The following EEF1E1 variants were observed in gnomAD, a reference collection of about 807,000 sequenced individuals.
EEF1E1 encodes the protein eukaryotic translation elongation factor 1 epsilon-1.
A neutral mutation model predicts 19.9 loss-of-function variants in EEF1E1; 19 were observed. That is an observed-to-expected ratio of 0.95 (90% confidence interval 0.66 to 1.40). The LOEUF (loss-of-function observed/expected upper bound fraction) is 1.40, where lower values mean the gene tolerates loss of function less well. Among genes scored for constraint, EEF1E1 ranks in the 40% most tolerant of loss-of-function variants. EEF1E1 has a pLI of 0.00. For missense variants in EEF1E1, 198 were observed against 202.2 expected, an observed-to-expected ratio of 0.98 and a Z score of 0.13; for synonymous variants, 81 against 80.0, an observed-to-expected ratio of 1.01 and a Z score of -0.07.
chr6:8,099,831 G>T (rs548041369), intron 1 of EEF1E1, among the ~76,000 whole-genome samples: 1 of 147,574 alleles, frequency 6.8e-6, no homozygotes. Flanking sequence ...CACACATGAT[G>T]AAACTGCCTA....
intron 1 of EEF1E1, among the ~76,000 whole-genome samples, chr6:8,101,131 CAGA>C (rs1164692472): frequency 9.7e-5 from 14 of 144,820 alleles, no homozygotes; most frequent in Non-Finnish European, 1.5e-4. Flanking sequence ...GAGGCTGAAG[CAGA>C]AGAATCGCTT....
In EEF1E1 at chr6:8,101,967, G is replaced by A. The variant is rs1239290369; in HGVS notation, c.87+468C>T. ...TGGCCAAAAAGCAAGCTGCCTGAGAGGAGGAAGCATGTTCCCCTAAATCAT... is the reference window on the plus strand; with the variant it reads ...TGGCCAAAAAGCAAGCTGCCTGAGAAGAGGAAGCATGTTCCCCTAAATCAT... On this transcript the variant is annotated intron_variant, in intron 1 of 3. Coordinates refer to ENST00000379715, the MANE Select transcript of EEF1E1 (RefSeq NM_004280.5). The A allele has an allele frequency of 6.4e-6, 8 of 1,245,870 alleles. No individual in the cohort carries two copies. In the Admixed American group the frequency reaches 1.2e-4, roughly 19 times the overall value. The allele number at this position is 1,245,870 out of a possible 1,614,324, so 77.2% of individuals were successfully genotyped here.
intron 1 of EEF1E1, among the ~76,000 whole-genome samples, chr6:8,100,767 C>G (rs577827919): frequency 2.6e-5 from 4 of 151,712 alleles, no homozygotes; most frequent in African/African-American, 9.7e-5. Context: ...CTTTTCTTTA[C>G]GTACAGCTGT....
intron 3 of EEF1E1, among the ~76,000 whole-genome samples, chr6:8,083,120 CTAT>C (rs1185940818): frequency 6.6e-6 from 1 of 152,190 alleles, no homozygotes. Context: ...TATTGGCACT[CTAT>C]CATGACTTTG....
chr6:8,101,668 T>G, intron 1 of EEF1E1: 1 of 1,067,222 alleles, frequency 9.4e-7, no homozygotes, highest in South Asian at 1.6e-5. Flanking sequence ...CAAAGTAGTC[T>G]TCCTACAACC....
chr6:8,080,719 A>G (rs774896622), intron 3 of EEF1E1, among the ~76,000 whole-genome samples: 1 of 152,256 alleles, frequency 6.6e-6, no homozygotes, highest in Non-Finnish European at 1.5e-5. Context: ...AATTATTGAG[A>G]GTTATCAGGT....
At chr6:8,101,822 C>G (rs1212886511) in intron 1 of EEF1E1, 1 of 1,289,236 alleles carries the variant, frequency 7.8e-7, no homozygotes, top group East Asian at 5.5e-5. Context: ...TAATCCAAGG[C>G]TTTAGAAACG....
intron 2 of EEF1E1, among the ~76,000 whole-genome samples, chr6:8,094,461 G>T (rs1758109727): frequency 6.6e-6 from 1 of 151,778 alleles, no homozygotes; most frequent in Non-Finnish European, 1.5e-5. Flanking sequence ...TTAGCTGGGT[G>T]TGGTGGCATA....
chr6:8,075,237 C>T (rs1421144215), downstream of EEF1E1, among the ~76,000 whole-genome samples: 1 of 152,120 alleles, frequency 6.6e-6, no homozygotes, highest in Non-Finnish European at 1.5e-5. Context: ...TTAATTTGAA[C>T]CCTGTAGTCT....
intron 1 of EEF1E1, 47 bp downstream of exon 1, chr6:8,102,388 C>T: frequency 6.3e-7 from 1 of 1,577,502 alleles, no homozygotes; most frequent in Non-Finnish European, 8.6e-7. Flanking sequence ...CTCGGCAGGC[C>T]CCGCTCCCGT....
chr6:8,085,261 C>T lies in EEF1E1; in HGVS notation c.384+4925G>A, dbSNP rs185268607. On this transcript the variant is annotated intron_variant, in intron 3 of 3. Coordinates refer to ENST00000379715, the MANE Select transcript of EEF1E1 (RefSeq NM_004280.5). ...TCCCTGGGCTCAGAAGATCCTCCTA[C>T]CTCATTCCCCCAAGTAGCTGGGACT... Among the ~76,000 whole-genome samples, 5 of 152,194 alleles carry T rather than the reference C, an allele frequency of 3.3e-5. No homozygotes were observed. The East Asian group carries it at 7.7e-4, about 24-fold the overall frequency.
intron 1 of EEF1E1, among the ~76,000 whole-genome samples, chr6:8,097,760 G>A (rs1238177017): frequency 1.3e-5 from 2 of 152,088 alleles, no homozygotes; most frequent in African/African-American, 2.4e-5. Context: ...TACAATGAGA[G>A]AAAATGGAAA....
Position 8,079,735 on chromosome 6 carries a change from A to G in EEF1E1, c.*155T>C, listed in dbSNP as rs1757679725. 7.7e-7 allele frequency: 1 copy of G among 1,290,446 alleles called. No individual in the cohort carries two copies. Among genetic ancestry groups the G allele is most frequent in the South Asian group, 2.9e-5 (1 of 34,518 alleles). The allele number at this position is 1,290,446 out of a possible 1,614,324, so 79.9% of individuals were successfully genotyped here. ...TTGCAAAACTTCAGCTAAAGAACAA[A>G]TAAAACATTCAGACACAAGTTTACA... On this transcript the variant is annotated 3_prime_UTR_variant, in exon 4 of 4. Transcript: ENST00000379715.
intron 2 of EEF1E1, among the ~76,000 whole-genome samples, chr6:8,094,739 T>C (rs1233168596): frequency 1.3e-5 from 2 of 152,134 alleles, no homozygotes; most frequent in Non-Finnish European, 2.9e-5. Flanking sequence ...AACACAAATT[T>C]TCTTCTACCT....
In EEF1E1 at chr6:8,097,305, C is replaced by T; in HGVS notation, c.250G>A (p.Gly84Arg). The change falls in exon 2 of 4, where the codon GGG becomes AGG. Residue 84 changes from glycine to arginine, a missense_variant. Physicochemically the swap from Gly to Arg is moderately radical, Grantham distance 125. Transcript: ENST00000379715. Reference protein sequence around the residue: ...WLEYRVTQVDGHSSKNDIHTL... With the variant: ...WLEYRVTQVDRHSSKNDIHTL... The stretch of plus-strand genomic sequence containing the variant: ...TGGATGTCATTTTTACTGGAGTGCC[C>T]ATCTACTTGAGTGACCCTGTATTCT... 1 of 1,614,102 alleles carries T rather than the reference C, an allele frequency of 6.2e-7. No homozygotes were observed. Among genetic ancestry groups the T allele is most frequent in the Non-Finnish European group, 8.5e-7 (1 of 1,180,022 alleles).
In EEF1E1 at chr6:8,090,261, T is replaced by C; in HGVS notation, c.309A>G (p.Glu103=). The change falls in exon 3 of 4, where the codon GAA becomes GAG. Residue 103 remains glutamate, a synonymous_variant. Coordinates refer to ENST00000379715, the MANE Select transcript of EEF1E1 (RefSeq NM_004280.5). ...TLLKDLNSYL[E]DKVYLTGYNF... is the part of the protein sequence containing the mutation. ...TATACCCTGTAAGGTAGACTTTATC[T>C]TCAAGATATGAATTAAGATCCTAGA... 6.7e-7 allele frequency: 1 copy of C among 1,487,246 alleles called. No homozygotes were observed. The highest frequency in any genetic ancestry group is 8.9e-7 in the Non-Finnish European group (1 of 1,126,840). 92.1% of individuals were successfully genotyped at this position (1,487,246 alleles called of 1,614,324 possible). A position where few individuals can be genotyped will look rare whatever the true frequency, so the allele number is the denominator to read the frequency against.
At chr6:8,078,806 ATGT>A, downstream of EEF1E1, 1 of 1,221,936 alleles carries the variant, frequency 8.2e-7, no homozygotes, top group South Asian at 1.4e-5. Flanking sequence ...TTTTTTCTTC[ATGT>A]TGTCTACTTT....
Position 8,102,425 on chromosome 6 carries a change from T to G in EEF1E1, c.87+10A>C, listed in dbSNP as rs759645669. The G allele has an allele frequency of 6.2e-7, 1 of 1,608,598 alleles. No individual in the cohort carries two copies. The highest frequency in any genetic ancestry group is 8.5e-7 in the Non-Finnish European group (1 of 1,178,414). ...CACCTCTTCCCCTCCGCGCCGCCTC[T>G]CCTTCTCACCTGTCGCTCGCCCTGA... On this transcript the variant is annotated intron_variant, in intron 1 of 3. Transcript: ENST00000379715.
At position 8,092,868 on chromosome 6, in the gene EEF1E1, G is replaced by GTTTTTTTTTTTTTTTTTTTTT. The variant is rs1554099258; in HGVS notation, c.289-2588_289-2587insAAAAAAAAAAAAAAAAAAAAA. Among the ~76,000 whole-genome samples, 9 of 108,198 alleles carry GTTTTTTTTTTTTTTTTTTTTT rather than the reference G, an allele frequency of 8.3e-5. 3 individuals carry two copies. The highest frequency in any genetic ancestry group is 1.9e-4 in the African/African-American group (5 of 26,712). The allele number at this position is 108,198 out of a possible 152,430, so 71.0% of individuals were successfully genotyped here. The stretch of plus-strand genomic sequence containing the variant: ...GTTTTGTGTTTTAGTGATAAAGACT[G>GTTTTTTTTTTTTTTTTTTTTT]CTTTTTTTTTTTTTTTTTTTTTTTG... On this transcript the variant is annotated intron_variant, in intron 2 of 3. Transcript: ENST00000379715.
Sources: allele counts gnomAD v4.1 joint callset (sites outside exome capture counted in the v4.1 genomes callset), GRCh38; gene constraint gnomAD v4.1.1; transcripts MANE v1.5; gene names NCBI Gene and HGNC (gene_info 2026-07-23, HGNC 2026-07-21).